The following TADA2A variants were observed in gnomAD, a reference collection of about 807,000 sequenced individuals.
TADA2A encodes transcriptional adapter 2-alpha.
TADA2A carries 38 observed loss-of-function variants against 67.4 expected under a neutral mutation model. That is an observed-to-expected ratio of 0.56 (90% CI 0.44 to 0.74). TADA2A has a LOEUF of 0.74. Among genes scored for constraint, TADA2A ranks in the 30% least tolerant of loss-of-function variants. The pLI, the probability that TADA2A is intolerant of heterozygous loss-of-function variation, is 0.00. For synonymous variants in TADA2A, 192 were observed against 181.6 expected (o/e 1.06, Z -0.46); for missense variants, 454 against 547.0 (o/e 0.83, Z 1.70).
chr17:37,461,966 T>C, intron 9 of TADA2A, 112 bp from the exon 10 acceptor site: 1 of 846,492 alleles, frequency 1.2e-6, no homozygotes, highest in Non-Finnish European at 1.9e-6. Flanking sequence ...TTTGGACCTC[T>C]GTATTGTATT....
At chr17:37,411,948 C>T (rs992597569) in intron 2 of TADA2A, among the ~76,000 whole-genome samples, 2 of 151,726 alleles carry the variant, frequency 1.3e-5, no homozygotes, top group Admixed American at 1.3e-4. Flanking sequence ...TGGTGGCTCA[C>T]GCCTGTAATC....
chr17:37,470,471 G>C lies in TADA2A; in HGVS notation c.967G>C (p.Val323Leu). 1 of 1,612,500 alleles carries C rather than the reference G, an allele frequency of 6.2e-7. No individual in the cohort carries two copies. Residue 323 changes from valine (V) to leucine (L), a missense_variant, in exon 13 of 16, where the codon GTT becomes CTT. This residue lies in a region of TADA2A where 403 missense variants were observed against 455.5 expected (regional missense o/e 0.88). Transcript: ENST00000615182. ...CCTTAAACGCACTATGCTCTCAGAA[G>C]TTCTCCAGTATATCCAGGACAGTAG... ...ERLKRTMLSE[V>L]LQYIQDSSAC...
At chr17:37,407,442 T>C (rs2051617254) in intron 1 of TADA2A, 1 of 152,226 alleles carries the variant, frequency 6.6e-6, no homozygotes, top group African/African-American at 2.4e-5. Context: ...GCCTGCGCCT[T>C]TCCTCCTCCC....
At chr17:37,422,871 T>C (rs1215941983) in intron 2 of TADA2A, among the ~76,000 whole-genome samples, 1 of 152,188 alleles carries the variant, frequency 6.6e-6, no homozygotes, top group Non-Finnish European at 1.5e-5. Context: ...TTTCTTTATA[T>C]TGTATGTGCA....
chr17:37,418,727 G>C (rs2052134284), intron 2 of TADA2A, among the ~76,000 whole-genome samples: 1 of 151,262 alleles, frequency 6.6e-6, no homozygotes. Flanking sequence ...GAGTAGCTGG[G>C]ATTAGGCGCC....
intron 9 of TADA2A, 56 bp downstream of exon 9, chr17:37,458,643 G>T (rs1037093198): frequency 1.3e-4 from 92 of 696,462 alleles, no homozygotes; most frequent in African/African-American, 1.2e-3. Context: ...TGTTTTGTGT[G>T]TGTGTGTGTG....
intron 2 of TADA2A, among the ~76,000 whole-genome samples, chr17:37,420,345 A>T (rs1471417282): frequency 1.4e-5 from 2 of 145,750 alleles, no homozygotes; most frequent in African/African-American, 5.0e-5. Context: ...ATTGAATTTG[A>T]AGCTACTGCC....
At chr17:37,441,888 G>A (rs930863176) in intron 6 of TADA2A, among the ~76,000 whole-genome samples, 5 of 151,994 alleles carry the variant, frequency 3.3e-5, no homozygotes, top group African/African-American at 9.7e-5. Flanking sequence ...GGCTGGTCTC[G>A]AACTCCTGAC....
intron 2 of TADA2A, among the ~76,000 whole-genome samples, chr17:37,420,388 C>A (rs1479851251): frequency 7.0e-6 from 1 of 142,584 alleles, no homozygotes; most frequent in Non-Finnish European, 1.5e-5. Context: ...TCATTTTCTT[C>A]TGTGTCTTTT....
chr17:37,437,504 A>C (rs2052766836), intron 4 of TADA2A, among the ~76,000 whole-genome samples: 1 of 152,006 alleles, frequency 6.6e-6, no homozygotes, highest in Non-Finnish European at 1.5e-5. Context: ...CTCCTGCCTC[A>C]GCCTCCTGAG....
In TADA2A at chr17:37,418,613, C is replaced by T. The variant is rs140720685; in HGVS notation, c.26-4896C>T. On this transcript the variant is annotated intron_variant, in intron 2 of 15. Transcript: ENST00000615182. ...TTCTTTTTCTTTTTTTTTTTTGAGA[C>T]GGAGTTTCGCTGTTGTCACCCAGGC... Among the ~76,000 whole-genome samples the T allele has an allele frequency of 4.4e-4, 66 of 149,874 alleles. 1 individual carries two copies. Among genetic ancestry groups the T allele is most frequent in the African/African-American group, 1.4e-3 (58 of 40,738 alleles).
chr17:37,453,960 A>T (rs1170780326), intron 8 of TADA2A, among the ~76,000 whole-genome samples: 1 of 151,596 alleles, frequency 6.6e-6, no homozygotes, highest in Non-Finnish European at 1.5e-5. Flanking sequence ...TTTAGTAGAG[A>T]CAGGGTTTCA....
At chr17:37,428,344 C>A (rs1336746157) in intron 4 of TADA2A, among the ~76,000 whole-genome samples, 1 of 152,176 alleles carries the variant, frequency 6.6e-6, no homozygotes. Flanking sequence ...TAGGTTCTTT[C>A]AGGTTGTTGG....
In TADA2A at chr17:37,448,463, A is replaced by C. The variant is rs148186836; in HGVS notation, c.604+3695A>C. Among the ~76,000 whole-genome samples, 860 of 152,338 alleles carry C rather than the reference A, an allele frequency of 5.6e-3. 10 individuals are homozygous for C. The highest frequency in any genetic ancestry group is 0.02 in the African/African-American group (813 of 41,570). ...TACTTACTCATATTTTATTGAAATA[A>C]GCAGAAATGTTTGGTTCAGAAAGAG... On this transcript the variant is annotated intron_variant, in intron 8 of 15. Coordinates refer to ENST00000615182, the MANE Select transcript of TADA2A (RefSeq NM_001166105.3).
chr17:37,444,644 C>G (rs1047576778), intron 7 of TADA2A, 52 bp from the exon 8 acceptor site: 6 of 1,471,036 alleles, frequency 4.1e-6, no homozygotes, highest in South Asian at 3.5e-5. Flanking sequence ...TGTAAAGACA[C>G]TAATCAAAGC....
chr17:37,469,985 T>G (rs2053750809), intron 12 of TADA2A, among the ~76,000 whole-genome samples: 1 of 152,226 alleles, frequency 6.6e-6, no homozygotes, highest in African/African-American at 2.4e-5. Context: ...TTTTTTGTAA[T>G]TCTAATTGTT....
rs1020173351 is a variant in TADA2A at position 37,473,127 on chromosome 17, ATTTTT to A, written c.1073-1408_1073-1404del. Among the ~76,000 whole-genome samples, 54 of 85,690 alleles carry A rather than the reference ATTTTT, an allele frequency of 6.3e-4. 1 individual carries two copies. Among genetic ancestry groups the A allele is most frequent in the African/African-American group, 1.7e-3 (38 of 22,786 alleles). 56.2% of individuals were successfully genotyped at this position (85,690 alleles called of 152,430 possible). On this transcript the variant is annotated intron_variant, in intron 14 of 15. Coordinates refer to ENST00000615182, the MANE Select transcript of TADA2A (RefSeq NM_001166105.3). Reference sequence around the variant, plus strand: ...GGTGAATGCCACCAAACCTGGAGAAATTTTTTTTTTTTTTTTTTTTTTTTTGGTAG... The same window carrying A: ...GGTGAATGCCACCAAACCTGGAGAAATTTTTTTTTTTTTTTTTTTTGGTAG...
In TADA2A at chr17:37,474,568, C is replaced by T. The variant is rs766279125; in HGVS notation, c.1085C>T (p.Ala362Val). Reference sequence around the variant, plus strand: ...TCTCTGTCTATAGGTAGACGGAGTGCACCACCCTTGAACCTCACTGGCCTC... The same window carrying T: ...TCTCTGTCTATAGGTAGACGGAGTGTACCACCCTTGAACCTCACTGGCCTC... ...PMASNSGRRS[A>V]PPLNLTGLPG... is the part of the protein sequence containing the mutation. The change falls in exon 15 of 16, where the codon GCA (alanine) becomes GTA (valine). Residue 362 changes from alanine (A) to valine (V), a missense_variant. By Grantham distance (64) the Ala-to-Val change is moderately conservative (BLOSUM62 0). Around this residue, in one of 2 missense-constraint regions of TADA2A, gnomAD observed 403 missense variants for 455.5 expected, o/e 0.88. Coordinates refer to ENST00000615182, the MANE Select transcript of TADA2A (RefSeq NM_001166105.3). 3.7e-6 allele frequency: 6 copies of T among 1,613,622 alleles called. No individual in the cohort carries two copies. In the South Asian group the frequency reaches 4.4e-5, roughly 12 times the overall value.
intron 2 of TADA2A, among the ~76,000 whole-genome samples, chr17:37,416,411 G>A (rs1179258114): frequency 6.6e-6 from 1 of 151,688 alleles, no homozygotes; most frequent in African/African-American, 2.4e-5. Context: ...TGCATACTAG[G>A]GATTTCAGTG....
Sources: allele counts gnomAD v4.1 joint callset (sites outside exome capture counted in the v4.1 genomes callset), GRCh38; gene constraint gnomAD v4.1.1; regional missense constraint gnomAD v4.1.1; transcripts MANE v1.5; gene names NCBI Gene and HGNC (gene_info 2026-07-23, HGNC 2026-07-21).